Variants in ZFHX3 observed in about 807,000 individuals in gnomAD.
ZFHX3 encodes zinc finger homeobox protein 3.
Under a neutral mutation model 279.1 loss-of-function variants are expected in ZFHX3, and 42 were observed. That is an observed-to-expected ratio of 0.15 (90% confidence interval 0.12 to 0.19). The LOEUF (loss-of-function observed/expected upper bound fraction) is 0.19, where lower values mean the gene tolerates loss of function less well. Ranked by LOEUF, ZFHX3 falls within the 10% of genes least tolerant of loss-of-function variation. ZFHX3 has a pLI of 1.00. For synonymous variants in ZFHX3, 2,293 were observed against 1,957.8 expected (o/e 1.17, Z -4.52); for missense variants, 4,981 against 4,754.0 (o/e 1.05, Z -1.40).
chr16:73,229,001 C>G (rs1032277216), intron 5 of ZFHX3, among the ~76,000 whole-genome samples: 1 of 152,118 alleles, frequency 6.6e-6, no homozygotes, highest in Non-Finnish European at 1.5e-5. Flanking sequence ...TCAATATACT[C>G]GGTATATACT....
At chr16:73,326,128 C>G (rs1037098682) in intron 3 of ZFHX3, among the ~76,000 whole-genome samples, 1 of 152,130 alleles carries the variant, frequency 6.6e-6, no homozygotes, top group African/African-American at 2.4e-5. Context: ...GAGCGGCATG[C>G]CCATGGTCTC....
intron 1 of ZFHX3, among the ~76,000 whole-genome samples, chr16:73,834,008 C>T (rs1961071229): frequency 6.6e-6 from 1 of 151,980 alleles, no homozygotes; most frequent in South Asian, 2.1e-4. Flanking sequence ...AAATGAATTA[C>T]ACCATGAAGG....
intron 1 of ZFHX3, among the ~76,000 whole-genome samples, chr16:73,773,510 C>A (rs545734874): frequency 1.3e-5 from 2 of 152,304 alleles, no homozygotes; most frequent in African/African-American, 4.8e-5. Flanking sequence ...AAGGATCTGT[C>A]CACCTGAGGC....
chr16:73,348,500 G>A (rs936504652), intron 3 of ZFHX3, among the ~76,000 whole-genome samples: 1 of 152,102 alleles, frequency 6.6e-6, no homozygotes, highest in African/African-American at 2.4e-5. Context: ...TTCACTCTCT[G>A]TCACCTTCCA....
intron 1 of ZFHX3, among the ~76,000 whole-genome samples, chr16:73,728,808 C>T (rs985069409): frequency 3.3e-5 from 3 of 90,212 alleles, no homozygotes; most frequent in Admixed American, 1.4e-4. Flanking sequence ...TAAGAATAAC[C>T]CCCTACACAC....
At chr16:73,070,691 A>C (rs149868257) in intron 8 of ZFHX3, among the ~76,000 whole-genome samples, 172 of 151,538 alleles carry the variant, frequency 1.1e-3, no homozygotes, top group Non-Finnish European at 1.9e-3. Context: ...CCAATCCAGA[A>C]GGAAATGCTG....
intron 5 of ZFHX3, among the ~76,000 whole-genome samples, chr16:73,187,144 TCACACACA>T (rs71156147): frequency 6.8e-6 from 1 of 147,078 alleles, no homozygotes; most frequent in East Asian, 2.0e-4. Context: ...GTTGTATGTC[TCACACACA>T]CACACACACA....
intron 9 of ZFHX3, chr16:72,791,027 T>A (rs1214113809): frequency 6.6e-6 from 1 of 152,232 alleles, no homozygotes; most frequent in Non-Finnish European, 1.5e-5. Flanking sequence ...CTCTGTGACA[T>A]CCTTTTTCTG....
upstream of ZFHX3, among the ~76,000 whole-genome samples, chr16:73,050,788 A>G (rs952737146): frequency 9.2e-5 from 14 of 152,304 alleles, no homozygotes; most frequent in Middle Eastern, 6.8e-3. Context: ...AGAAAAGGCA[A>G]TTCTTCCCTC....
chr16:73,055,536 G>C (rs567706197), intron 1 of ZFHX3, among the ~76,000 whole-genome samples: 1 of 152,212 alleles, frequency 6.6e-6, no homozygotes, highest in African/African-American at 2.4e-5. Flanking sequence ...TGCACCTTGG[G>C]TCAGATTCAA....
intron 1 of ZFHX3, among the ~76,000 whole-genome samples, chr16:73,766,933 CTTTTTTT>C (rs3050427): frequency 1.5e-5 from 2 of 129,250 alleles, no homozygotes; most frequent in African/African-American, 5.9e-5. Context: ...TTTGCCATTA[CTTTTTTT>C]TTTTTTTTTT....
rs937110139 is a variant in ZFHX3, at chr16:72,951,418, G to A, written c.2720-453C>T. Among the ~76,000 whole-genome samples the A allele has an allele frequency of 5.3e-5, 8 of 152,058 alleles. No homozygotes were observed. In the East Asian group the frequency reaches 5.8e-4, roughly 11 times the overall value. ...TGGGATTACAGGCACCCACCACCACGGCCAGCTAATTTTTGTCTTTTTTAG... is the reference window on the plus strand; with the variant it reads ...TGGGATTACAGGCACCCACCACCACAGCCAGCTAATTTTTGTCTTTTTTAG... On this transcript the variant is annotated intron_variant, in intron 2 of 9. Transcript: ENST00000268489.
chr16:72,834,804 A>C (rs1038340740), intron 4 of ZFHX3, among the ~76,000 whole-genome samples: 1 of 152,054 alleles, frequency 6.6e-6, no homozygotes, highest in Non-Finnish European at 1.5e-5. Flanking sequence ...CTAGCTGTTT[A>C]AAAAAGAAAA....
intron 4 of ZFHX3, among the ~76,000 whole-genome samples, chr16:73,279,088 C>G (rs1316843302): frequency 1.3e-5 from 2 of 152,138 alleles, no homozygotes; most frequent in Non-Finnish European, 2.9e-5. Flanking sequence ...TTTTTGTAAT[C>G]TTTACAAATT....
chr16:73,791,703 G>A (rs147787985), intron 1 of ZFHX3, among the ~76,000 whole-genome samples: 340 of 152,166 alleles, frequency 2.2e-3, no homozygotes, highest in African/African-American at 7.7e-3. Context: ...GATTACAGGC[G>A]TGAGCCACCG....
intron 6 of ZFHX3, among the ~76,000 whole-genome samples, chr16:73,139,099 G>A (rs1966839509): frequency 6.6e-6 from 1 of 152,172 alleles, no homozygotes; most frequent in Non-Finnish European, 1.5e-5. Context: ...TTATCCTAAT[G>A]AGACGAGACA....
In ZFHX3 at chr16:73,711,851, C is replaced by G. The variant is rs545723578; in HGVS notation, c.-1607-31611G>C. Among the ~76,000 whole-genome samples, 4 of 152,316 alleles carry G rather than the reference C, an allele frequency of 2.6e-5. No homozygotes were observed. The South Asian group carries it at 8.3e-4, about 32-fold the overall frequency. On this transcript the variant is annotated intron_variant, in intron 1 of 17. Transcript: ENST00000641206. ...CAGGAGGCTCAGGAGAGAGCTCTCTCTCTGGCTGGAAGAGATCTCACAGCA... is the reference window on the plus strand; with the variant it reads ...CAGGAGGCTCAGGAGAGAGCTCTCTGTCTGGCTGGAAGAGATCTCACAGCA...
At chr16:73,519,483 C>G (rs2019576817) in intron 2 of ZFHX3, among the ~76,000 whole-genome samples, 1 of 152,086 alleles carries the variant, frequency 6.6e-6, no homozygotes, top group African/African-American at 2.4e-5. Context: ...GTGATTCATT[C>G]TCATCCATAA....
intron 2 of ZFHX3, among the ~76,000 whole-genome samples, chr16:73,530,650 C>G (rs967464349): frequency 2.6e-5 from 4 of 152,138 alleles, no homozygotes; most frequent in East Asian, 1.9e-4. Flanking sequence ...TATCAACATT[C>G]CTCAATTTTC....
Sources: allele counts gnomAD v4.1 joint callset (sites outside exome capture counted in the v4.1 genomes callset), GRCh38; gene constraint gnomAD v4.1.1; transcripts MANE v1.5; gene names NCBI Gene and HGNC (gene_info 2026-07-23, HGNC 2026-07-21).